POT1: variants seen among roughly 807,000 people sequenced by gnomAD.
The protein encoded by POT1 is protection of telomeres 1, also known as protection of telomeres protein 1.
In POT1, 47 loss-of-function variants were observed where a neutral mutation model predicts 78.5. That is an observed-to-expected ratio of 0.60 (90% CI 0.47 to 0.76). The LOEUF (loss-of-function observed/expected upper bound fraction) is 0.76, where lower values mean the gene tolerates loss of function less well. POT1 is among the 30% of genes least tolerant of loss of function. The pLI, the probability that POT1 is intolerant of heterozygous loss-of-function variation, is 0.00. For missense variants in POT1, 646 were observed against 749.9 expected (o/e 0.86, Z 1.62); for synonymous variants, 259 against 260.7 (o/e 0.99, Z 0.06).
chr7:124,851,468 T>C (rs1795304205), intron 11 of POT1, among the ~76,000 whole-genome samples: 1 of 152,238 alleles, frequency 6.6e-6, no homozygotes, highest in East Asian at 1.9e-4. Flanking sequence ...ACCTGATTAA[T>C]TCAATAAAGA....
At chr7:124,864,537 T>C (rs1325495449) in intron 7 of POT1, among the ~76,000 whole-genome samples, 2 of 152,026 alleles carry the variant, frequency 1.3e-5, no homozygotes, top group African/African-American at 2.4e-5. Context: ...ATTGTTCCTT[T>C]CTTGTTTTCT....
intron 2 of POT1, among the ~76,000 whole-genome samples, chr7:124,922,722 C>T (rs1041902608): frequency 6.6e-6 from 1 of 151,472 alleles, no homozygotes; most frequent in Non-Finnish European, 1.5e-5. Context: ...GGAAGGAGAA[C>T]AAAAAACAGG....
At chr7:124,927,803 T>C (rs1206293373) in intron 2 of POT1, among the ~76,000 whole-genome samples, 1 of 152,168 alleles carries the variant, frequency 6.6e-6, no homozygotes, top group Non-Finnish European at 1.5e-5. Context: ...ATGTACCCCC[T>C]ATTTTCTTCT....
chr7:124,903,557 C>A (rs1796678627), intron 3 of POT1, among the ~76,000 whole-genome samples: 1 of 151,978 alleles, frequency 6.6e-6, no homozygotes, highest in Admixed American at 6.6e-5. Context: ...CACTAAATAC[C>A]CACAAGAGAA....
At chr7:124,889,424 G>T (rs773725499) in intron 6 of POT1, among the ~76,000 whole-genome samples, 21 of 152,176 alleles carry the variant, frequency 1.4e-4, no homozygotes, top group Non-Finnish European at 2.5e-4. Context: ...ACAGCAAGTA[G>T]CAAGTGCTGA....
At chr7:124,845,064 A>G (rs764128394) in intron 12 of POT1, among the ~76,000 whole-genome samples, 20 of 152,302 alleles carry the variant, frequency 1.3e-4, no homozygotes, top group Middle Eastern at 3.4e-3. Flanking sequence ...TAAATCCTCC[A>G]GTATGTATTT....
chr7:124,870,933 A>C lies in POT1; in HGVS notation c.233T>G (p.Ile78Ser). The change falls in exon 7 of 19, where the codon ATT becomes AGT. Residue 78 changes from isoleucine to serine, a missense_variant. By Grantham distance (142) the Ile-to-Ser change is moderately radical. Around this residue, in one of 2 missense-constraint regions of POT1, gnomAD observed 252 missense variants for 341.4 expected, o/e 0.74. Transcript: ENST00000357628. ...ALPIIYKNGDIVRFHRLKIQV... is the reference protein window; with the variant it reads ...ALPIIYKNGDSVRFHRLKIQV... ...TACCTTCAGCCTGTGAAAGCGAACAATATCTCCATTTTTATAAATTATTGG... is the reference window on the plus strand; with the variant it reads ...TACCTTCAGCCTGTGAAAGCGAACACTATCTCCATTTTTATAAATTATTGG... 1 of 1,607,746 alleles carries C rather than the reference A, an allele frequency of 6.2e-7. No individual in the cohort carries two copies. Among genetic ancestry groups the C allele is most frequent in the Non-Finnish European group, 8.5e-7 (1 of 1,176,756 alleles).
At chr7:124,842,407 G>C (rs1218429564) in intron 13 of POT1, among the ~76,000 whole-genome samples, 1 of 151,832 alleles carries the variant, frequency 6.6e-6, no homozygotes, top group Non-Finnish European at 1.5e-5. Context: ...TATTAAGCAG[G>C]ACAGAAGTTT....
intron 2 of POT1, among the ~76,000 whole-genome samples, chr7:124,920,339 T>G (rs1045368217): frequency 1.3e-5 from 2 of 152,152 alleles, no homozygotes; most frequent in Admixed American, 6.6e-5. Context: ...GGCTACATGC[T>G]GTATAATGCC....
chr7:124,899,894 A>G (rs1418364142), intron 3 of POT1, among the ~76,000 whole-genome samples: 2 of 152,142 alleles, frequency 1.3e-5, no homozygotes, highest in African/African-American at 2.4e-5. Context: ...CTGAGTATGT[A>G]TGCATTTCTT....
intron 3 of POT1, among the ~76,000 whole-genome samples, chr7:124,906,904 T>A (rs1339596064): frequency 1.1e-4 from 17 of 152,002 alleles, no homozygotes. Flanking sequence ...ATAATAGTAG[T>A]TTGTATAAAC....
At chr7:124,882,228 T>A (rs1796135653) in intron 6 of POT1, among the ~76,000 whole-genome samples, 1 of 152,044 alleles carries the variant, frequency 6.6e-6, no homozygotes, top group Non-Finnish European at 1.5e-5. Flanking sequence ...CTCCTTTTTA[T>A]CTACTAAAAC....
At chr7:124,911,011 CAAAAATT>C (rs975429168) in intron 3 of POT1, among the ~76,000 whole-genome samples, 20 of 152,022 alleles carry the variant, frequency 1.3e-4, no homozygotes, top group Admixed American at 2.6e-4. Context: ...ACAAATGTTT[CAAAAATT>C]CTTTAGTGAA....
At chr7:124,858,833 GAAAT>G (rs1795509209) in intron 9 of POT1, 120 bp downstream of exon 9, 5 of 557,052 alleles carry the variant, frequency 9.0e-6, no homozygotes, top group Non-Finnish European at 1.4e-5. Flanking sequence ...AAAAATCAAA[GAAAT>G]AAATATAATT....
chr7:124,835,169 C>T, intron 15 of POT1, 110 bp downstream of exon 15: 1 of 1,331,936 alleles, frequency 7.5e-7, no homozygotes, highest in East Asian at 2.5e-5. Context: ...GTGCAGCAAA[C>T]CACAATAGCA....
chr7:124,910,902 C>T (rs1796875490), intron 3 of POT1, among the ~76,000 whole-genome samples: 1 of 151,962 alleles, frequency 6.6e-6, no homozygotes, highest in Admixed American at 6.6e-5. Flanking sequence ...CACTCAAATA[C>T]ATTTTTAAAT....
intron 14 of POT1, 196 bp downstream of exon 14, chr7:124,840,777 G>A (rs532226269): frequency 7.4e-5 from 31 of 416,134 alleles, no homozygotes; most frequent in African/African-American, 5.5e-4. Flanking sequence ...AATTTCAAAT[G>A]TAATTAAGAT....
chr7:124,851,869 T>C lies in POT1; in HGVS notation c.949+3A>G. The C allele has an allele frequency of 6.3e-7, 1 of 1,590,450 alleles. No individual in the cohort carries two copies. Among genetic ancestry groups the C allele is most frequent in the South Asian group, 1.1e-5 (1 of 90,488 alleles). On this transcript the variant is annotated splice_donor_region_variant and intron_variant, in intron 11 of 18. Coordinates refer to ENST00000357628, the MANE Select transcript of POT1 (RefSeq NM_015450.3). ...AACTGTCAATGTTAAAGATTATCCT[T>C]ACTTGGAAAGCTGTCGTCAGGTTCT...
At chr7:124,893,782 A>C (rs964266664) in intron 5 of POT1, among the ~76,000 whole-genome samples, 1 of 151,566 alleles carries the variant, frequency 6.6e-6, no homozygotes, top group Non-Finnish European at 1.5e-5. Flanking sequence ...TACTAATCCC[A>C]GTATCTACTC....
Sources: allele counts gnomAD v4.1 joint callset (sites outside exome capture counted in the v4.1 genomes callset), GRCh38; gene constraint gnomAD v4.1.1; regional missense constraint gnomAD v4.1.1; transcripts MANE v1.5; gene names NCBI Gene and HGNC (gene_info 2026-07-23, HGNC 2026-07-21).